The following SAFB2 variants were observed in gnomAD, a reference collection of about 807,000 sequenced individuals.
SAFB2 encodes the protein scaffold attachment factor B2.
In SAFB2, 32 loss-of-function variants were observed where a neutral mutation model predicts 100.6. That is an observed-to-expected ratio of 0.32 (90% CI 0.24 to 0.43). The LOEUF (loss-of-function observed/expected upper bound fraction) is 0.43, where lower values mean the gene tolerates loss of function less well. Among genes scored for constraint, SAFB2 ranks in the 20% least tolerant of loss-of-function variants. The probability of loss-of-function intolerance (pLI) is 1.00; values close to 1 mark genes in which losing one functional copy is unlikely to be tolerated. For synonymous variants in SAFB2, 500 were observed against 439.4 expected (o/e 1.14, Z -1.72); for missense variants, 1,185 against 1,163.4 (o/e 1.02, Z -0.27).
chr19:5,593,583 A>T (rs1356987766), intron 15 of SAFB2: 3 of 326,358 alleles, frequency 9.2e-6, no homozygotes, highest in Non-Finnish European at 1.7e-5. Context: ...CGCAAGACAG[A>T]GAACAGCTAT....
chr19:5,588,198 C>T (rs370395460), intron 18 of SAFB2, among the ~76,000 whole-genome samples: 54 of 152,148 alleles, frequency 3.5e-4, no homozygotes, highest in African/African-American at 1.3e-3. Flanking sequence ...AATGCCAATC[C>T]GAGCCACACC....
At position 5,592,729 on chromosome 19, in the gene SAFB2, G is replaced by C. The variant is rs755017455; in HGVS notation, c.2348+18C>G. 6.2e-6 allele frequency: 10 copies of C among 1,613,526 alleles called. No homozygotes were observed. The highest frequency in any genetic ancestry group is 1.1e-5 in the South Asian group (1 of 91,032). ...GCCCACAATGACTGTAGCTAAAGGA[G>C]GGGACAAGACCACTGACCTGTCGAT... On this transcript the variant is annotated intron_variant, in intron 16 of 20. Coordinates refer to ENST00000252542, the MANE Select transcript of SAFB2 (RefSeq NM_014649.3).
At chr19:5,613,353 C>T in intron 5 of SAFB2, 112 bp downstream of exon 5, 3 of 950,156 alleles carry the variant, frequency 3.2e-6, no homozygotes, top group South Asian at 1.6e-5. Context: ...TTAACCCCAG[C>T]ATCCAGCACA....
At position 5,616,112 on chromosome 19, in the gene SAFB2, C is replaced by T. The variant is rs747682243; in HGVS notation, c.543+20G>A. 4.9e-5 allele frequency: 79 copies of T among 1,612,272 alleles called. No homozygotes were observed. The highest frequency in any genetic ancestry group is 6.2e-5 in the Non-Finnish European group (73 of 1,178,806). ...CCTCGGGGCTATGGGCACATCCTGC[C>T]GTGTCTCCAAGTTACCTACAGCATG... On this transcript the variant is annotated intron_variant, in intron 4 of 20. Transcript: ENST00000252542.
chr19:5,599,481 T>G (rs1354355349), intron 12 of SAFB2, among the ~76,000 whole-genome samples: 1 of 152,224 alleles, frequency 6.6e-6, no homozygotes, highest in South Asian at 2.1e-4. Flanking sequence ...CAGGGTAAAT[T>G]AGCCCGAGAG....
At chr19:5,612,507 A>C in intron 6 of SAFB2, 33 bp downstream of exon 6, 1 of 1,598,324 alleles carries the variant, frequency 6.3e-7, no homozygotes, top group Non-Finnish European at 8.6e-7. Flanking sequence ...GAAAACTTTC[A>C]AACCATAACT....
At chr19:5,621,510 A>G (rs1460554107) in intron 1 of SAFB2, 114 bp from the exon 2 acceptor site, 4 of 748,846 alleles carry the variant, frequency 5.3e-6, no homozygotes, top group African/African-American at 3.4e-5. Flanking sequence ...GCAAAGAGCA[A>G]CTCCGGGTCA....
chr19:5,600,182 G>A lies in SAFB2; in HGVS notation c.1638C>T (p.Asp546=), dbSNP rs2052625119. The A allele has an allele frequency of 6.2e-7, 1 of 1,614,008 alleles. No homozygotes were observed. The highest frequency in any genetic ancestry group is 8.5e-7 in the Non-Finnish European group (1 of 1,179,984). ...KPEDIKKEEK[D]QDELKPGPTN... is the part of the protein sequence containing the mutation. ...TAGGTCCGGGTTTCAGCTCATCCTG[G>A]TCTTTTTCTTCCTTCTTAATGTCTT... The change falls in exon 12 of 21, where the codon GAC becomes GAT. Residue 546 remains aspartate, a synonymous_variant. Transcript: ENST00000252542.
intron 2 of SAFB2, among the ~76,000 whole-genome samples, chr19:5,619,571 G>A (rs2053099729): frequency 6.6e-6 from 1 of 152,214 alleles, no homozygotes; most frequent in Admixed American, 6.5e-5. Flanking sequence ...CGGGCACAGT[G>A]GCTCATGCCT....
chr19:5,610,793 T>G, intron 7 of SAFB2, 105 bp from the exon 8 acceptor site: 2 of 869,644 alleles, frequency 2.3e-6, no homozygotes, highest in Middle Eastern at 3.4e-4. Context: ...AAAATTAGTC[T>G]GAAATAAAAT....
chr19:5,620,081 T>C (rs1166211407), intron 2 of SAFB2, among the ~76,000 whole-genome samples: 1 of 152,200 alleles, frequency 6.6e-6, no homozygotes, highest in Non-Finnish European at 1.5e-5. Context: ...ACATTCTGAA[T>C]GTGCTCAGGC....
chr19:5,593,952 G>C lies in SAFB2; in HGVS notation c.2146C>G (p.Gln716Glu). 1 of 1,554,108 alleles carries C rather than the reference G, an allele frequency of 6.4e-7. No homozygotes were observed. The highest frequency in any genetic ancestry group is 8.6e-7 in the Non-Finnish European group (1 of 1,158,432). ...TCCTGCTCGTAACGCAGCTGCTCCT[G>C]CTGGCGCCGCAGCTCCTCGCGCTCG... ...HREREELRRQQEQLRYEQERR... is the reference protein window; with the variant it reads ...HREREELRRQEEQLRYEQERR... Residue 716 changes from glutamine (Q) to glutamate (E), a missense_variant, in exon 15 of 21, where the codon CAG (glutamine) becomes GAG (glutamate). Gln to Glu is a conservative substitution (Grantham distance 29, BLOSUM62 2). This residue lies in a region of SAFB2 where 740 missense variants were observed against 687.1 expected (regional missense o/e 1.08). Transcript: ENST00000252542.
chr19:5,591,108 T>C (rs2052389752), intron 17 of SAFB2, among the ~76,000 whole-genome samples: 1 of 151,786 alleles, frequency 6.6e-6, no homozygotes. Context: ...ACAACCACCA[T>C]TTGGGTTCTT....
At chr19:5,614,475 AAAC>A (rs2052979909) in intron 4 of SAFB2, among the ~76,000 whole-genome samples, 1 of 152,222 alleles carries the variant, frequency 6.6e-6, no homozygotes, top group South Asian at 2.1e-4. Context: ...CACACTCTGA[AAAC>A]AATAAGCACA....
At chr19:5,619,846 A>C (rs903500417) in intron 2 of SAFB2, among the ~76,000 whole-genome samples, 10 of 128,208 alleles carry the variant, frequency 7.8e-5, no homozygotes, top group Non-Finnish European at 1.3e-4. Flanking sequence ...ACTCCATCGC[A>C]AAAAAAAAAA....
At chr19:5,620,617 T>C (rs768036556) in intron 2 of SAFB2, among the ~76,000 whole-genome samples, 59 of 152,186 alleles carry the variant, frequency 3.9e-4, no homozygotes, top group African/African-American at 9.7e-4. Flanking sequence ...ATGTCCACAA[T>C]AGGCAAATCT....
intron 12 of SAFB2, among the ~76,000 whole-genome samples, chr19:5,599,642 G>A (rs928438226): frequency 1.3e-5 from 2 of 152,058 alleles, no homozygotes; most frequent in African/African-American, 4.8e-5. Flanking sequence ...AGATTCAAAG[G>A]TGTAAAGCAC....
Position 5,622,605 on chromosome 19 carries a change from A to T in SAFB2, c.111T>A (p.Asp37Glu). ...TRRLSELRVI[D>E]LRAELKKRNL... ...TCCGCTTCTTCAGCTCCGCCCGCAG[A>T]TCGATCACCCGCAGCTCGCTGAGCC... is the stretch of plus-strand genomic sequence containing the variant. The change falls in exon 1 of 21, where the codon GAT becomes GAA. Residue 37 changes from aspartate to glutamate, a missense_variant. This residue lies in a region of SAFB2 where 351 missense variants were observed against 341.2 expected (regional missense o/e 1.03). Coordinates refer to ENST00000252542, the MANE Select transcript of SAFB2 (RefSeq NM_014649.3). 6.2e-7 allele frequency: 1 copy of T among 1,613,196 alleles called. No homozygotes were observed. Among genetic ancestry groups the T allele is most frequent in the South Asian group, 1.1e-5 (1 of 91,034 alleles).
At chr19:5,602,608 T>A (rs1362063200) in intron 11 of SAFB2, among the ~76,000 whole-genome samples, 1 of 150,522 alleles carries the variant, frequency 6.6e-6, no homozygotes, top group Non-Finnish European at 1.5e-5. Flanking sequence ...CAGGGCGCGC[T>A]CCCCTCTCTA....
Sources: allele counts gnomAD v4.1 joint callset (sites outside exome capture counted in the v4.1 genomes callset), GRCh38; gene constraint gnomAD v4.1.1; regional missense constraint gnomAD v4.1.1; transcripts MANE v1.5; gene names NCBI Gene and HGNC (gene_info 2026-07-23, HGNC 2026-07-21).